Variants in SLC4A10 observed in about 807,000 individuals in gnomAD.
SLC4A10 encodes the protein solute carrier family 4 member 10.
SLC4A10 carries 42 observed loss-of-function variants against 137.7 expected under a neutral mutation model. The ratio of observed to expected loss-of-function variants is 0.30; its 90% CI spans 0.24 to 0.39. The LOEUF (loss-of-function observed/expected upper bound fraction) is 0.39. SLC4A10 is among the 10% of genes least tolerant of loss of function. The pLI is 1.00. For synonymous variants in SLC4A10, 474 were observed against 464.1 expected, an observed-to-expected ratio of 1.02 and a Z score of -0.27; for missense variants, 925 against 1,355.0, an observed-to-expected ratio of 0.68 and a Z score of 4.98.
At chr2:161,819,053 G>T (rs1247763485) in intron 3 of SLC4A10, among the ~76,000 whole-genome samples, 2 of 152,112 alleles carry the variant, frequency 1.3e-5, no homozygotes, top group African/African-American at 4.8e-5. Context: ...CTCTTAAAAA[G>T]TTTTATTACT....
intron 3 of SLC4A10, among the ~76,000 whole-genome samples, chr2:161,835,869 G>A (rs1263815445): frequency 6.6e-6 from 1 of 152,190 alleles, no homozygotes; most frequent in Non-Finnish European, 1.5e-5. Context: ...TATGGTTTGG[G>A]GGATTTATTC....
intron 2 of SLC4A10, among the ~76,000 whole-genome samples, chr2:161,782,968 A>G (rs1344847294): frequency 1.3e-5 from 2 of 151,620 alleles, no homozygotes; most frequent in Non-Finnish European, 2.9e-5. Flanking sequence ...CCAAGTATGG[A>G]AAAGGAAATG....
At chr2:161,957,618 T>G (rs1205881340) in intron 20 of SLC4A10, among the ~76,000 whole-genome samples, 1 of 152,192 alleles carries the variant, frequency 6.6e-6, no homozygotes. Context: ...TATTAGCAGT[T>G]AATATTACTT....
chr2:161,933,431 T>C (rs1690980211), intron 15 of SLC4A10, among the ~76,000 whole-genome samples: 2 of 151,632 alleles, frequency 1.3e-5, no homozygotes, highest in Admixed American at 1.3e-4. Context: ...GCTCTCACTC[T>C]GTCACCCAGT....
chr2:161,627,730 G>T (rs1341244978), intron 1 of SLC4A10, among the ~76,000 whole-genome samples: 3 of 152,090 alleles, frequency 2.0e-5, no homozygotes, highest in Non-Finnish European at 4.4e-5. Flanking sequence ...GGGTTAGGGC[G>T]TTCACTCTTG....
intron 8 of SLC4A10, among the ~76,000 whole-genome samples, chr2:161,875,832 T>C (rs1464051218): frequency 2.6e-5 from 4 of 152,060 alleles, no homozygotes; most frequent in Admixed American, 2.6e-4. Context: ...AATTATAGAG[T>C]GATTAAGAGA....
At chr2:161,676,213 A>C (rs1186204516) in intron 1 of SLC4A10, among the ~76,000 whole-genome samples, 2 of 152,196 alleles carry the variant, frequency 1.3e-5, no homozygotes, top group East Asian at 3.8e-4. Context: ...CATCAGACAG[A>C]TCTGCAAAAT....
At chr2:161,863,997 C>G (rs1308476522) in intron 6 of SLC4A10, among the ~76,000 whole-genome samples, 1 of 151,960 alleles carries the variant, frequency 6.6e-6, no homozygotes, top group Non-Finnish European at 1.5e-5. Context: ...GTCAGGAGAT[C>G]GTGACCATCC....
chr2:161,865,532 G>A (rs774428034), intron 6 of SLC4A10, among the ~76,000 whole-genome samples: 5 of 151,986 alleles, frequency 3.3e-5, no homozygotes, highest in Non-Finnish European at 7.4e-5. Context: ...ATTAAGTATT[G>A]TTGTAGAGTA....
At chr2:161,899,087 C>G (rs564761962) in intron 11 of SLC4A10, among the ~76,000 whole-genome samples, 124 of 152,060 alleles carry the variant, frequency 8.2e-4, no homozygotes, top group Non-Finnish European at 8.7e-4. Flanking sequence ...CTCTGCCTTC[C>G]TGTTCATTAC....
chr2:161,943,776 T>G (rs1693188073), intron 16 of SLC4A10, among the ~76,000 whole-genome samples: 1 of 152,012 alleles, frequency 6.6e-6, no homozygotes, highest in African/African-American at 2.4e-5. Flanking sequence ...ACAAAACTAT[T>G]GAGTTCTAGT....
intron 1 of SLC4A10, among the ~76,000 whole-genome samples, chr2:161,757,080 G>C (rs747592651): frequency 6.6e-6 from 1 of 152,074 alleles, no homozygotes; most frequent in Non-Finnish European, 1.5e-5. Flanking sequence ...GAGTAAGATG[G>C]ACATAAATAT....
At chr2:161,860,402 A>G (rs2060370463) in intron 5 of SLC4A10, among the ~76,000 whole-genome samples, 1 of 152,176 alleles carries the variant, frequency 6.6e-6, no homozygotes, top group African/African-American at 2.4e-5. Flanking sequence ...TTATGTGATT[A>G]CTTTTGATTC....
At chr2:161,927,520 T>A (rs1689394239) in intron 15 of SLC4A10, among the ~76,000 whole-genome samples, 1 of 152,116 alleles carries the variant, frequency 6.6e-6, no homozygotes, top group South Asian at 2.1e-4. Flanking sequence ...AATTGACAAA[T>A]GGGATCTAAT....
intron 6 of SLC4A10, among the ~76,000 whole-genome samples, chr2:161,868,254 A>G (rs560213716): frequency 5.3e-5 from 8 of 151,886 alleles, no homozygotes; most frequent in Non-Finnish European, 1.2e-4. Context: ...GTGTTTTAAA[A>G]TACTGCTATT....
chr2:161,726,525 A>G (rs1324009364), intron 1 of SLC4A10, among the ~76,000 whole-genome samples: 1 of 152,200 alleles, frequency 6.6e-6, no homozygotes, highest in Admixed American at 6.5e-5. Flanking sequence ...TGGCCCACTG[A>G]GAAATCAGAA....
intron 15 of SLC4A10, among the ~76,000 whole-genome samples, chr2:161,933,382 C>CTCCCT (rs1022528344): frequency 4.1e-5 from 6 of 145,348 alleles, no homozygotes; most frequent in Admixed American, 2.1e-4. Context: ...CTCTTTGTTT[C>CTCCCT]TCCCTTCCCT....
At chr2:161,724,641 T>C (rs2046035836) in intron 1 of SLC4A10, among the ~76,000 whole-genome samples, 1 of 152,204 alleles carries the variant, frequency 6.6e-6, no homozygotes, top group African/African-American at 2.4e-5. Context: ...TTTAGTTAAA[T>C]TTAGTCTTAA....
At chr2:161,745,161 C>T (rs1389592418) in intron 1 of SLC4A10, among the ~76,000 whole-genome samples, 3 of 152,178 alleles carry the variant, frequency 2.0e-5, no homozygotes, top group Admixed American at 6.5e-5. Context: ...CAATCTCTCT[C>T]GCTACCTTCT....
Sources: allele counts gnomAD v4.1 joint callset (sites outside exome capture counted in the v4.1 genomes callset), GRCh38; gene constraint gnomAD v4.1.1; transcripts MANE v1.5; gene names NCBI Gene and HGNC (gene_info 2026-07-23, HGNC 2026-07-21).